Variants in CTNNA3 observed in about 807,000 individuals in gnomAD.
The protein encoded by CTNNA3 is catenin alpha-3.
CTNNA3 carries 76 observed loss-of-function variants against 95.7 expected under a neutral mutation model. That is an observed-to-expected ratio of 0.79 (90% CI 0.66 to 0.96). CTNNA3 has a LOEUF of 0.96. Ranked by LOEUF, CTNNA3 falls within the 40% of genes least tolerant of loss-of-function variation. The pLI is 0.00. For missense variants in CTNNA3, 1,191 were observed against 1,089.8 expected (o/e 1.09, Z -1.31); for synonymous variants, 431 against 374.4 (o/e 1.15, Z -1.74).
At chr10:67,189,484 C>CA (rs1329711545) in intron 6 of CTNNA3, among the ~76,000 whole-genome samples, 1 of 151,464 alleles carries the variant, frequency 6.6e-6, no homozygotes, top group Admixed American at 6.6e-5. Flanking sequence ...GTTCTTACCA[C>CA]AAAAAAATAA....
At chr10:66,391,929 T>G (rs1268508019) in intron 11 of CTNNA3, among the ~76,000 whole-genome samples, 1 of 151,872 alleles carries the variant, frequency 6.6e-6, no homozygotes, top group Non-Finnish European at 1.5e-5. Flanking sequence ...AAAGCAAACA[T>G]TTTATGTTAA....
chr10:66,622,451 T>C (rs886090121), intron 9 of CTNNA3, among the ~76,000 whole-genome samples: 1 of 152,122 alleles, frequency 6.6e-6, no homozygotes, highest in Non-Finnish European at 1.5e-5. Context: ...ATTACCATTA[T>C]GTCCATGACC....
At chr10:66,549,506 C>G (rs1347733801) in intron 10 of CTNNA3, among the ~76,000 whole-genome samples, 2 of 152,018 alleles carry the variant, frequency 1.3e-5, no homozygotes, top group African/African-American at 2.4e-5. Context: ...CTACTTTTGT[C>G]TTCACTGTTT....
intron 10 of CTNNA3, among the ~76,000 whole-genome samples, chr10:66,550,419 T>C (rs1034024379): frequency 6.6e-6 from 1 of 152,198 alleles, no homozygotes; most frequent in Non-Finnish European, 1.5e-5. Flanking sequence ...AGGCAAGGGA[T>C]ATGCAAAATA....
At chr10:67,003,230 A>G (rs1851783144) in intron 7 of CTNNA3, among the ~76,000 whole-genome samples, 2 of 152,162 alleles carry the variant, frequency 1.3e-5, no homozygotes, top group African/African-American at 4.8e-5. Flanking sequence ...GACTAATAAT[A>G]TTGGGGAATA....
At chr10:67,014,801 T>G (rs1240751980) in intron 7 of CTNNA3, among the ~76,000 whole-genome samples, 8 of 152,084 alleles carry the variant, frequency 5.3e-5, no homozygotes, top group Non-Finnish European at 1.0e-4. Context: ...TACCACCAAG[T>G]AAACATCATT....
chr10:67,079,127 A>T (rs1022255373), intron 7 of CTNNA3, among the ~76,000 whole-genome samples: 3 of 152,254 alleles, frequency 2.0e-5, no homozygotes, highest in African/African-American at 7.2e-5. Context: ...AGTTTCAGAG[A>T]CAAGATTTGC....
At chr10:66,088,029 A>G (rs2133679080) in intron 14 of CTNNA3, among the ~76,000 whole-genome samples, 1 of 152,170 alleles carries the variant, frequency 6.6e-6, no homozygotes, top group East Asian at 1.9e-4. Context: ...AAGAAAATCA[A>G]ATGGATTAAC....
At chr10:66,516,591 A>T (rs1399846660) in intron 11 of CTNNA3, among the ~76,000 whole-genome samples, 3 of 152,166 alleles carry the variant, frequency 2.0e-5, no homozygotes, top group Non-Finnish European at 2.9e-5. Flanking sequence ...TATTTATGCC[A>T]CAGAAATAAA....
At chr10:66,747,211 T>C (rs1838921413) in intron 9 of CTNNA3, among the ~76,000 whole-genome samples, 1 of 152,222 alleles carries the variant, frequency 6.6e-6, no homozygotes, top group Admixed American at 6.5e-5. Context: ...CGGGCCTTAA[T>C]GCTTTTTAAT....
chr10:67,555,297 AT>A (rs1841198164), intron 3 of CTNNA3, among the ~76,000 whole-genome samples: 1 of 152,154 alleles, frequency 6.6e-6, no homozygotes, highest in Non-Finnish European at 1.5e-5. Flanking sequence ...GAAGAAAGTC[AT>A]TGGTAGCTTG....
At chr10:67,564,315 A>G (rs561787448) in intron 3 of CTNNA3, among the ~76,000 whole-genome samples, 1 of 149,966 alleles carries the variant, frequency 6.7e-6, no homozygotes, top group South Asian at 2.2e-4. Context: ...ATGCAGTCAT[A>G]AAAAAGGATG....
chr10:67,266,416 G>A (rs1282492280), intron 5 of CTNNA3, among the ~76,000 whole-genome samples: 1 of 151,944 alleles, frequency 6.6e-6, no homozygotes, highest in Non-Finnish European at 1.5e-5. Context: ...ATGTTTCACC[G>A]AAACCTTAGA....
intron 6 of CTNNA3, among the ~76,000 whole-genome samples, chr10:67,182,651 C>T (rs1292284594): frequency 6.6e-6 from 1 of 152,052 alleles, no homozygotes; most frequent in Non-Finnish European, 1.5e-5. Flanking sequence ...GTCTAAAACA[C>T]CAAAAGCAAT....
chr10:67,558,064 A>T (rs973377491), intron 3 of CTNNA3, among the ~76,000 whole-genome samples: 9 of 152,024 alleles, frequency 5.9e-5, no homozygotes, highest in Admixed American at 3.3e-4. Context: ...GAGTCTTGGA[A>T]ATGTATCTTT....
At chr10:67,447,437 T>G (rs1846797198) in intron 5 of CTNNA3, among the ~76,000 whole-genome samples, 1 of 152,222 alleles carries the variant, frequency 6.6e-6, no homozygotes, top group Admixed American at 6.5e-5. Context: ...GAAGAGCATA[T>G]CTGGGTTGGA....
chr10:66,490,356 A>G (rs1291785949), intron 11 of CTNNA3, among the ~76,000 whole-genome samples: 1 of 152,204 alleles, frequency 6.6e-6, no homozygotes, highest in Non-Finnish European at 1.5e-5. Flanking sequence ...TATGACATCA[A>G]TCTTTAAAAA....
At chr10:66,577,705 T>C (rs541610235) in intron 10 of CTNNA3, among the ~76,000 whole-genome samples, 18 of 152,252 alleles carry the variant, frequency 1.2e-4, no homozygotes, top group African/African-American at 3.9e-4. Flanking sequence ...ACCTGAATCA[T>C]GCTGTTTTGG....
At chr10:66,751,575 TC>T (rs1839143152) in intron 9 of CTNNA3, among the ~76,000 whole-genome samples, 1 of 152,200 alleles carries the variant, frequency 6.6e-6, no homozygotes, top group South Asian at 2.1e-4. Flanking sequence ...GTCTTCATCT[TC>T]CTAATGAGAG....
Sources: allele counts gnomAD v4.1 joint callset (sites outside exome capture counted in the v4.1 genomes callset), GRCh38; gene constraint gnomAD v4.1.1; transcripts MANE v1.5; gene names NCBI Gene and HGNC (gene_info 2026-07-23, HGNC 2026-07-21).